Variants in TRPM3 observed in about 807,000 individuals in gnomAD.
The protein encoded by TRPM3 is transient receptor potential cation channel subfamily M member 3.
TRPM3 carries 77 observed loss-of-function variants against 181.2 expected under a neutral mutation model. The ratio of observed to expected loss-of-function variants is 0.42; its 90% CI spans 0.35 to 0.51. TRPM3 has a LOEUF of 0.51. TRPM3 is among the 20% of genes least tolerant of loss of function. The pLI is 0.01. For synonymous variants in TRPM3, 745 were observed against 796.4 expected (o/e 0.94, Z 1.09); for missense variants, 1,759 against 2,196.7 (o/e 0.80, Z 3.98).
intron 1 of TRPM3, among the ~76,000 whole-genome samples, chr9:71,095,358 T>C (rs897122577): frequency 7.1e-6 from 1 of 140,970 alleles, no homozygotes; most frequent in Non-Finnish European, 1.5e-5. Flanking sequence ...GAACATGAGA[T>C]TGAGAGGTGA....
At chr9:70,738,139 T>C (rs1295681847) in intron 8 of TRPM3, among the ~76,000 whole-genome samples, 1 of 152,136 alleles carries the variant, frequency 6.6e-6, no homozygotes, top group East Asian at 1.9e-4. Flanking sequence ...ACAAGTCTCA[T>C]AAATTTAAGA....
chr9:71,408,719 G>A (rs2093485068), intron 1 of TRPM3, among the ~76,000 whole-genome samples: 2 of 152,150 alleles, frequency 1.3e-5, no homozygotes, highest in African/African-American at 2.4e-5. Context: ...ACCTAGCAAG[G>A]CAGGCCAACA....
intron 1 of TRPM3, among the ~76,000 whole-genome samples, chr9:71,117,306 C>T (rs187347716): frequency 6.6e-6 from 1 of 152,130 alleles, no homozygotes; most frequent in Admixed American, 6.5e-5. Context: ...CTCCCTCCCC[C>T]CTAGTTTCAA....
chr9:71,185,758 G>T (rs1033461409), intron 1 of TRPM3, among the ~76,000 whole-genome samples: 22 of 152,040 alleles, frequency 1.4e-4, no homozygotes, highest in African/African-American at 5.1e-4. Context: ...AGAGAGGTAA[G>T]GCGTCTCATC....
chr9:71,178,336 A>G (rs1394128174), intron 1 of TRPM3, among the ~76,000 whole-genome samples: 1 of 152,152 alleles, frequency 6.6e-6, no homozygotes, highest in Non-Finnish European at 1.5e-5. Flanking sequence ...TATAGTATAA[A>G]AGTATCTGAA....
chr9:71,415,892 A>G (rs904836875), intron 1 of TRPM3, among the ~76,000 whole-genome samples: 5 of 152,006 alleles, frequency 3.3e-5, no homozygotes, highest in African/African-American at 1.2e-4. Flanking sequence ...ATTATTTCCA[A>G]AAACACTCAC....
intron 12 of TRPM3, among the ~76,000 whole-genome samples, chr9:70,629,099 G>A (rs1234803540): frequency 6.6e-6 from 1 of 150,952 alleles, no homozygotes; most frequent in East Asian, 2.0e-4. Context: ...GACTTTTAGC[G>A]GTATATATTG....
At chr9:71,079,347 G>A (rs1055123938) in intron 1 of TRPM3, among the ~76,000 whole-genome samples, 4 of 152,182 alleles carry the variant, frequency 2.6e-5, no homozygotes, top group African/African-American at 9.6e-5. Flanking sequence ...AGCATTCTGT[G>A]CTGTTCCCTC....
chr9:71,015,546 A>G (rs913551528), intron 1 of TRPM3, among the ~76,000 whole-genome samples: 3 of 152,222 alleles, frequency 2.0e-5, no homozygotes, highest in African/African-American at 7.2e-5. Context: ...TAAGCAAGTA[A>G]TGGCATAAAC....
chr9:71,245,331 C>T (rs1002765740), intron 1 of TRPM3, among the ~76,000 whole-genome samples: 1 of 151,560 alleles, frequency 6.6e-6, no homozygotes, highest in Admixed American at 6.6e-5. Context: ...GTTATCCCAG[C>T]TACTTGGGAG....
intron 1 of TRPM3, among the ~76,000 whole-genome samples, chr9:70,907,498 G>C (rs986402657): frequency 1.3e-5 from 2 of 152,144 alleles, no homozygotes; most frequent in African/African-American, 4.8e-5. Context: ...TTTCATTTAG[G>C]CATCAATTGC....
At chr9:71,263,614 C>T (rs1308043379) in intron 1 of TRPM3, among the ~76,000 whole-genome samples, 2 of 152,134 alleles carry the variant, frequency 1.3e-5, no homozygotes, top group African/African-American at 4.8e-5. Context: ...CTCTACAGCA[C>T]TTACATGGTT....
At chr9:71,072,371 G>A (rs1279390729) in intron 1 of TRPM3, among the ~76,000 whole-genome samples, 3 of 152,136 alleles carry the variant, frequency 2.0e-5, no homozygotes, top group South Asian at 2.1e-4. Context: ...TTCCCTGTGA[G>A]CATGTCTTTC....
chr9:71,108,986 T>C (rs909056096), intron 1 of TRPM3, among the ~76,000 whole-genome samples: 1 of 152,230 alleles, frequency 6.6e-6, no homozygotes, highest in African/African-American at 2.4e-5. Flanking sequence ...CTCTCCATTA[T>C]GTGGGTGGGC....
chr9:71,024,584 A>T (rs2097876208), intron 1 of TRPM3, among the ~76,000 whole-genome samples: 1 of 152,268 alleles, frequency 6.6e-6, no homozygotes, highest in South Asian at 2.1e-4. Context: ...GACTCTGTTT[A>T]CTCTTAGCAG....
chr9:71,173,281 A>G (rs1413394291), intron 1 of TRPM3, among the ~76,000 whole-genome samples: 6 of 152,148 alleles, frequency 3.9e-5, no homozygotes, highest in Non-Finnish European at 8.8e-5. Context: ...TATATTAACA[A>G]TATATGATTG....
At position 70,997,606 on chromosome 9, in the gene TRPM3, T is replaced by G. The variant is rs148802812; in HGVS notation, c.177+123572A>C. Among the ~76,000 whole-genome samples, 706 of 152,190 alleles carry G rather than the reference T, an allele frequency of 4.6e-3. 8 individuals are homozygous for G. The highest frequency in any genetic ancestry group is 0.016 in the African/African-American group (677 of 41,508). ...TTGTTTTCATTCTAGCAAATCAGAG[T>G]AGAGGAATACCTAAACTGTGCTCCT... On this transcript the variant is annotated intron_variant, in intron 1 of 25. Coordinates refer to ENST00000677713, the MANE Select transcript of TRPM3 (RefSeq NM_001366145.2).
rs531537249 is a variant in TRPM3 at position 71,100,042 on chromosome 9, G to C, written c.177+21136C>G. ...TGCCTTCATTTTAGAAGTTTTTCCT[G>C]ACACAGTCTGACTTCAGATCTTATT... On this transcript the variant is annotated intron_variant, in intron 1 of 25. Transcript: ENST00000677713. Among the ~76,000 whole-genome samples, 161 of 152,186 alleles carry C rather than the reference G, an allele frequency of 1.1e-3. 6 individuals are homozygous for C. In the South Asian group the frequency reaches 0.033, roughly 31 times the overall value.
chr9:71,004,059 A>T (rs898855156), intron 1 of TRPM3, among the ~76,000 whole-genome samples: 6 of 152,232 alleles, frequency 3.9e-5, no homozygotes, highest in African/African-American at 1.4e-4. Context: ...CACTGGGAGT[A>T]CCAGGAAGGC....
Sources: allele counts gnomAD v4.1 joint callset (sites outside exome capture counted in the v4.1 genomes callset), GRCh38; gene constraint gnomAD v4.1.1; transcripts MANE v1.5; gene names NCBI Gene and HGNC (gene_info 2026-07-23, HGNC 2026-07-21).